The following RGS12 variants were observed in gnomAD, a reference collection of about 807,000 sequenced individuals.
RGS12 encodes regulator of G protein signaling 12, also known as regulator of G-protein signaling 12.
In RGS12, 66 loss-of-function variants were observed where a neutral mutation model predicts 120.1. The observed-to-expected ratio is 0.55, with a 90% CI of 0.45 to 0.67. The LOEUF (loss-of-function observed/expected upper bound fraction) is 0.67. RGS12 is among the 30% of genes least tolerant of loss of function. The probability of loss-of-function intolerance (pLI) is 0.00; values close to 1 mark genes in which losing one functional copy is unlikely to be tolerated. For synonymous variants in RGS12, 827 were observed against 804.7 expected (o/e 1.03, Z -0.47); for missense variants, 1,859 against 1,957.7 (o/e 0.95, Z 0.95).
intron 3 of RGS12, among the ~76,000 whole-genome samples, chr4:3,384,500 T>G (rs746034769): frequency 2.6e-5 from 4 of 152,238 alleles, no homozygotes; most frequent in Non-Finnish European, 5.9e-5. Flanking sequence ...GATGATTTAT[T>G]GCGGGCATGG....
chr4:3,300,638 G>A (rs546752289), intron 1 of RGS12, among the ~76,000 whole-genome samples: 1 of 152,288 alleles, frequency 6.6e-6, no homozygotes, highest in South Asian at 2.1e-4. Context: ...GAAGGCTTTA[G>A]GGGGAGACCC....
At chr4:3,386,579 T>A in intron 4 of RGS12, 142 bp downstream of exon 4, 1 of 722,896 alleles carries the variant, frequency 1.4e-6, no homozygotes, top group Non-Finnish European at 2.3e-6. Flanking sequence ...TCTAGGTGAG[T>A]TAATTCTGGG....
At chr4:3,362,698 TG>T (rs1715774520) in intron 3 of RGS12, among the ~76,000 whole-genome samples, 1 of 126,332 alleles carries the variant, frequency 7.9e-6, no homozygotes, top group South Asian at 2.8e-4. Flanking sequence ...TGTGTGAGGG[TG>T]TGTGTGAGGC....
At chr4:3,416,266 G>A in intron 7 of RGS12, 145 bp downstream of exon 7, 1 of 939,562 alleles carries the variant, frequency 1.1e-6, no homozygotes, top group South Asian at 1.8e-5. Flanking sequence ...CAGAAAGTGG[G>A]GCTTTCAGTA....
chr4:3,415,821 AT>A (rs1332522740), intron 6 of RGS12, among the ~76,000 whole-genome samples, 156 bp from the exon 7 acceptor site: 2 of 152,234 alleles, frequency 1.3e-5, no homozygotes, highest in Non-Finnish European at 1.5e-5. Context: ...GTGCTGCTGC[AT>A]TCTGGCCACA....
At chr4:3,356,819 G>A (rs1208033468) in intron 3 of RGS12, among the ~76,000 whole-genome samples, 2 of 152,084 alleles carry the variant, frequency 1.3e-5, no homozygotes, top group Non-Finnish European at 2.9e-5. Flanking sequence ...TGTTGCTTCC[G>A]TGTTTTAGCT....
At chr4:3,405,734 G>T (rs761152670) in intron 4 of RGS12, among the ~76,000 whole-genome samples, 2 of 152,216 alleles carry the variant, frequency 1.3e-5, no homozygotes, top group Non-Finnish European at 2.9e-5. Flanking sequence ...AAAAGGTTGC[G>T]TGTGTGCAGG....
At chr4:3,295,751 TC>T (rs1398738216) in intron 1 of RGS12, among the ~76,000 whole-genome samples, 1 of 149,436 alleles carries the variant, frequency 6.7e-6, no homozygotes, top group African/African-American at 2.5e-5. Flanking sequence ...AATAAACAAC[TC>T]ATTAGTTACG....
At chr4:3,298,389 T>C (rs1723494700) in intron 1 of RGS12, among the ~76,000 whole-genome samples, 1 of 152,184 alleles carries the variant, frequency 6.6e-6, no homozygotes, top group African/African-American at 2.4e-5. Flanking sequence ...CTCACTCTTT[T>C]GCCCAGGCTG....
intron 1 of RGS12, among the ~76,000 whole-genome samples, chr4:3,309,618 C>G (rs1724216373): frequency 7.9e-6 from 1 of 126,376 alleles, no homozygotes; most frequent in East Asian, 2.4e-4. Context: ...CTGGGAATGG[C>G]AGGTGTCCGC....
chr4:3,417,758 C>A (rs1722571337), intron 9 of RGS12: 1 of 566,190 alleles, frequency 1.8e-6, no homozygotes, highest in African/African-American at 1.9e-5. Flanking sequence ...GCTCCAGAAT[C>A]TTCCAGAGAA....
chr4:3,394,957 C>T (rs1453452038), intron 4 of RGS12, among the ~76,000 whole-genome samples: 3 of 152,016 alleles, frequency 2.0e-5, no homozygotes, highest in African/African-American at 7.3e-5. Flanking sequence ...TTCCTTGAGG[C>T]CAAGAGTTCA....
intron 3 of RGS12, among the ~76,000 whole-genome samples, chr4:3,384,835 G>A (rs1340887875): frequency 1.3e-5 from 2 of 152,240 alleles, no homozygotes; most frequent in African/African-American, 4.8e-5. Flanking sequence ...CATAGCTGGT[G>A]TAGGTCGCAG....
chr4:3,437,608 T>C (rs1246937353), intron 17 of RGS12, among the ~76,000 whole-genome samples: 2 of 152,172 alleles, frequency 1.3e-5, no homozygotes, highest in African/African-American at 4.8e-5. Flanking sequence ...GGCTAGCTCC[T>C]AGCCCTGGCA....
intron 1 of RGS12, among the ~76,000 whole-genome samples, chr4:3,293,330 G>GGCGGGCGGCGCGGGGC: frequency 6.9e-6 from 1 of 145,262 alleles, no homozygotes; most frequent in South Asian, 2.1e-4. Flanking sequence ...CGGGGGCGGG[G>GGCGGGCGGCGCGGGGC]GCGGGCGGCG....
chr4:3,334,132 G>A (rs1265517136), intron 2 of RGS12, among the ~76,000 whole-genome samples: 2 of 152,154 alleles, frequency 1.3e-5, no homozygotes, highest in African/African-American at 4.8e-5. Flanking sequence ...AATTATGCAT[G>A]CCAGCTCTTA....
In RGS12 at chr4:3,374,120, G is replaced by A. The variant is rs1230584285; in HGVS notation, c.1999-12296G>A. Among the ~76,000 whole-genome samples the A allele has an allele frequency of 6.6e-6, 1 of 152,216 alleles. No homozygotes were observed. The highest frequency in any genetic ancestry group is 1.9e-4 in the East Asian group (1 of 5,184). The stretch of plus-strand genomic sequence containing the variant: ...CCATGTCCCACGCGGCTCTGTGAAC[G>A]CAGGCATCCCTGTCTCCGTTGGGCG... On this transcript the variant is annotated intron_variant, in intron 3 of 17. Coordinates refer to ENST00000336727, the MANE Select transcript of RGS12 (RefSeq NM_001394154.1). This position sits in a 1 kb window ranked among gnomAD's most constrained non-coding sequence, Gnocchi z 6.3.
At chr4:3,398,234 G>A (rs1353487414) in intron 4 of RGS12, among the ~76,000 whole-genome samples, 5 of 152,196 alleles carry the variant, frequency 3.3e-5, no homozygotes, top group Non-Finnish European at 7.3e-5. Flanking sequence ...AAGCCAGGAG[G>A]TCCTGAAGAA....
At chr4:3,413,822 ATG>A in intron 4 of RGS12, 6 of 484,332 alleles carry the variant, frequency 1.2e-5, no homozygotes, top group South Asian at 3.9e-5. Flanking sequence ...ACATGTGAAC[ATG>A]TGTGTGTGCT....
Sources: allele counts gnomAD v4.1 joint callset (sites outside exome capture counted in the v4.1 genomes callset), GRCh38; gene constraint gnomAD v4.1.1; non-coding constraint Gnocchi (gnomAD v3.1); transcripts MANE v1.5; gene names NCBI Gene and HGNC (gene_info 2026-07-23, HGNC 2026-07-21).